SCAPER: variants seen among roughly 807,000 people sequenced by gnomAD.
SCAPER encodes the protein S-phase cyclin A associated protein in the ER.
A neutral mutation model predicts 182.2 loss-of-function variants in SCAPER; 98 were observed. The observed-to-expected ratio is 0.54, with a 90% CI of 0.46 to 0.64. The LOEUF (loss-of-function observed/expected upper bound fraction) is 0.64. Ranked by LOEUF, SCAPER falls within the 30% of genes least tolerant of loss-of-function variation. The probability of loss-of-function intolerance (pLI) is 0.00; values close to 1 mark genes in which losing one functional copy is unlikely to be tolerated. For synonymous variants in SCAPER, 605 were observed against 564.6 expected (o/e 1.07, Z -1.01); for missense variants, 1,432 against 1,690.0 (o/e 0.85, Z 2.68).
chr15:76,481,079 G>C (rs544344646), intron 24 of SCAPER, among the ~76,000 whole-genome samples: 1 of 152,136 alleles, frequency 6.6e-6, no homozygotes, highest in African/African-American at 2.4e-5. Flanking sequence ...TTTATTCTCA[G>C]CCAATCTGGT....
intron 27 of SCAPER, among the ~76,000 whole-genome samples, chr15:76,402,583 A>G (rs959771520): frequency 6.6e-5 from 10 of 151,780 alleles, no homozygotes; most frequent in African/African-American, 1.7e-4. Flanking sequence ...CTATTACTTT[A>G]TAAGTCTGAC....
At chr15:76,511,575 C>A (rs1201547254) in intron 23 of SCAPER, among the ~76,000 whole-genome samples, 1 of 152,162 alleles carries the variant, frequency 6.6e-6, no homozygotes, top group Non-Finnish European at 1.5e-5. Flanking sequence ...AGGATCCTTC[C>A]TCTCTTGTAA....
intron 26 of SCAPER, among the ~76,000 whole-genome samples, chr15:76,424,511 T>C (rs1252224518): frequency 1.3e-5 from 2 of 152,226 alleles, no homozygotes; most frequent in Non-Finnish European, 2.9e-5. Flanking sequence ...CCTATGTGTG[T>C]CTCTGCACGT....
chr15:76,904,157 A>C (rs1436587795), intron 1 of SCAPER, among the ~76,000 whole-genome samples: 1 of 152,146 alleles, frequency 6.6e-6, no homozygotes, highest in Non-Finnish European at 1.5e-5. Flanking sequence ...AGAGTGGGAC[A>C]GTGGTCAGAC....
At chr15:76,394,943 T>C (rs1313855396) in intron 27 of SCAPER, among the ~76,000 whole-genome samples, 1 of 152,174 alleles carries the variant, frequency 6.6e-6, no homozygotes, top group Non-Finnish European at 1.5e-5. Flanking sequence ...GTCTTATTCA[T>C]TCTAACGCTT....
At chr15:76,823,637 A>G (rs1473356010) in intron 5 of SCAPER, among the ~76,000 whole-genome samples, 2 of 152,078 alleles carry the variant, frequency 1.3e-5, no homozygotes, top group Non-Finnish European at 1.5e-5. Context: ...TAAAAGTTAC[A>G]TTCTACTTTA....
intron 22 of SCAPER, among the ~76,000 whole-genome samples, chr15:76,589,678 G>T (rs969414511): frequency 1.3e-5 from 2 of 152,242 alleles, no homozygotes; most frequent in South Asian, 4.2e-4. Flanking sequence ...CTGGATTCAT[G>T]CTCTCCCTCA....
At chr15:76,378,811 A>G (rs1353549348) in intron 28 of SCAPER, among the ~76,000 whole-genome samples, 1 of 152,310 alleles carries the variant, frequency 6.6e-6, no homozygotes, top group East Asian at 1.9e-4. Context: ...TCGAGACACC[A>G]TAGTGTTTTA....
chr15:76,859,877 G>A (rs905020026), intron 3 of SCAPER, among the ~76,000 whole-genome samples: 4 of 152,142 alleles, frequency 2.6e-5, no homozygotes, highest in East Asian at 1.9e-4. Context: ...GCCATGCCCC[G>A]CTAATTGTTT....
chr15:76,539,105 A>G (rs190186765), intron 23 of SCAPER, among the ~76,000 whole-genome samples: 10 of 152,316 alleles, frequency 6.6e-5, no homozygotes, highest in Admixed American at 6.5e-4. Context: ...ACTAAGCTGA[A>G]TGTTTTTGAA....
intron 20 of SCAPER, among the ~76,000 whole-genome samples, chr15:76,698,655 T>C (rs919885702): frequency 1.3e-5 from 2 of 152,186 alleles, no homozygotes; most frequent in African/African-American, 2.4e-5. Context: ...GGAGACAGAA[T>C]TTGAAGTTTA....
Position 76,765,612 on chromosome 15 carries a change from A to G in SCAPER, c.1446T>C (p.Ser482=). Residue 482 remains serine, a synonymous_variant, in exon 12 of 32, where the codon TCT becomes TCC. Coordinates refer to ENST00000563290, the MANE Select transcript of SCAPER (RefSeq NM_020843.4). ...TCCAGTCCATGGACATACCACAGAAAGAAACACTCCCACTGCCCATGCTGG... is the reference window on the plus strand; with the variant it reads ...TCCAGTCCATGGACATACCACAGAAGGAAACACTCCCACTGCCCATGCTGG... ...FSASMGSGSV[S]FCGMSMDWND... is the part of the protein sequence containing the mutation. 6.3e-7 allele frequency: 1 copy of G among 1,585,868 alleles called. No individual in the cohort carries two copies. Among genetic ancestry groups the G allele is most frequent in the Non-Finnish European group, 8.6e-7 (1 of 1,164,832 alleles).
intron 15 of SCAPER, among the ~76,000 whole-genome samples, chr15:76,751,057 A>C (rs2062057966): frequency 6.6e-6 from 1 of 151,840 alleles, no homozygotes; most frequent in African/African-American, 2.4e-5. Context: ...CAAAGTCAAC[A>C]CACAAAAATC....
chr15:76,382,182 G>GTTCCCT (rs1324520152), intron 27 of SCAPER, among the ~76,000 whole-genome samples: 1 of 152,060 alleles, frequency 6.6e-6, no homozygotes, highest in African/African-American at 2.4e-5. Context: ...GAATAAGCAA[G>GTTCCCT]TACTGGATTA....
intron 13 of SCAPER, 30 bp downstream of exon 13, chr15:76,765,307 C>T (rs1342750003): frequency 6.4e-7 from 1 of 1,551,832 alleles, no homozygotes; most frequent in Non-Finnish European, 8.9e-7. Flanking sequence ...TTGCTGTGAA[C>T]CATTTCAAAT....
chr15:76,713,766 A>G (rs1161411417), intron 17 of SCAPER, among the ~76,000 whole-genome samples: 5 of 152,078 alleles, frequency 3.3e-5, no homozygotes, highest in Non-Finnish European at 7.3e-5. Flanking sequence ...GTACCCTAAA[A>G]CTTAAAGTAT....
chr15:76,797,601 G>C (rs563541679), intron 7 of SCAPER: 145 of 152,304 alleles, frequency 9.5e-4, no homozygotes, highest in African/African-American at 3.3e-3. Context: ...GTTATAAACT[G>C]CCAGAGCATT....
At chr15:76,556,236 C>A (rs1214716434) in intron 23 of SCAPER, among the ~76,000 whole-genome samples, 1 of 152,042 alleles carries the variant, frequency 6.6e-6, no homozygotes. Flanking sequence ...AACAAAGATA[C>A]AACATACCAG....
chr15:76,788,843 T>A (rs1003241902), intron 8 of SCAPER, among the ~76,000 whole-genome samples: 4 of 152,066 alleles, frequency 2.6e-5, no homozygotes, highest in Non-Finnish European at 5.9e-5. Flanking sequence ...TCCCTCTCTA[T>A]TTTTATTTTT....
Sources: gnomAD v4.1 joint callset for allele counts (sites outside exome capture counted in the v4.1 genomes callset) on GRCh38, gnomAD v4.1.1 for gene constraint, MANE v1.5 for transcripts, NCBI Gene and HGNC (gene_info 2026-07-23, HGNC 2026-07-21) for gene names.